The following TLL1 variants were observed in gnomAD, a reference collection of about 807,000 sequenced individuals.
TLL1 encodes the protein tolloid-like protein 1.
Under a neutral mutation model 128.2 loss-of-function variants are expected in TLL1, and 49 were observed. That is an observed-to-expected ratio of 0.38 (90% CI 0.30 to 0.48). TLL1 has a LOEUF of 0.48. Among genes scored for constraint, TLL1 ranks in the 20% least tolerant of loss-of-function variants. The pLI is 0.96. For synonymous variants in TLL1, 454 were observed against 418.8 expected (o/e 1.08, Z -1.03); for missense variants, 1,123 against 1,242.0 (o/e 0.90, Z 1.44).
At chr4:165,917,043 A>G (rs1035193782) in intron 1 of TLL1, among the ~76,000 whole-genome samples, 3 of 152,048 alleles carry the variant, frequency 2.0e-5, no homozygotes, top group Non-Finnish European at 4.4e-5. Context: ...GTGAATTTCT[A>G]TATTATGTAG....
rs1397212476 is a variant in TLL1 at position 166,043,392 on chromosome 4, C to T, written c.1497C>T (p.His499=). Residue 499 remains histidine, a synonymous_variant, in exon 12 of 21, where the codon CAC becomes CAT. Transcript: ENST00000061240. ...AAATAACAGTGTCTGAGAGCTACCA[C>T]GTCGGGCTGACCTTTCAGTCCTTTG... ...VWKITVSESY[H]VGLTFQSFEI... 2 of 1,614,124 alleles carry T rather than the reference C, an allele frequency of 1.2e-6. No individual in the cohort carries two copies. Among genetic ancestry groups the T allele is most frequent in the Non-Finnish European group, 1.7e-6 (2 of 1,179,982 alleles).
intron 9 of TLL1, among the ~76,000 whole-genome samples, chr4:166,031,363 CTTTTTT>C (rs35799879): frequency 1.3e-4 from 13 of 102,280 alleles, no homozygotes; most frequent in East Asian, 5.8e-4. Context: ...ATTGCAAGGT[CTTTTTT>C]TTTTTTTTTT....
At chr4:166,052,965 G>GTATATATA (rs61229255) in intron 12 of TLL1, among the ~76,000 whole-genome samples, 3 of 99,648 alleles carry the variant, frequency 3.0e-5, no homozygotes, top group African/African-American at 1.1e-4. Flanking sequence ...GAGGTTATGT[G>GTATATATA]TATATATATA....
At chr4:166,036,937 T>G (rs982984900) in intron 9 of TLL1, among the ~76,000 whole-genome samples, 1 of 152,120 alleles carries the variant, frequency 6.6e-6, no homozygotes, top group Non-Finnish European at 1.5e-5. Flanking sequence ...TTTTTTTTCC[T>G]CATGAAGAAG....
chr4:165,937,936 T>C (rs1248453589), intron 1 of TLL1, among the ~76,000 whole-genome samples: 1 of 148,804 alleles, frequency 6.7e-6, no homozygotes, highest in Non-Finnish European at 1.5e-5. Context: ...TTTATCTAGA[T>C]ACCCATAGGA....
intron 9 of TLL1, among the ~76,000 whole-genome samples, chr4:166,034,675 G>A (rs1267557744): frequency 1.3e-5 from 2 of 152,058 alleles, no homozygotes; most frequent in Admixed American, 6.6e-5. Flanking sequence ...AGTATTTTTA[G>A]GGATATTATA....
rs1732389308 is a variant in TLL1, at chr4:165,908,732, AGG to A, written c.169+34662_169+34663del. Among the ~76,000 whole-genome samples, 3 of 152,076 alleles carry A rather than the reference AGG, an allele frequency of 2.0e-5. No homozygotes were observed. In the South Asian group the frequency reaches 6.2e-4, roughly 31 times the overall value. ...GGCTGAGAAAATACCTGTGATGGGAAGGGGTAGGTCAAGCACAGAGGCAGGAG... is the reference window on the plus strand; with the variant it reads ...GGCTGAGAAAATACCTGTGATGGGAAGGTAGGTCAAGCACAGAGGCAGGAG... On this transcript the variant is annotated intron_variant, in intron 1 of 20. Transcript: ENST00000061240.
intron 8 of TLL1, among the ~76,000 whole-genome samples, chr4:166,021,432 CTTT>C (rs113942126): frequency 0.012 from 1,481 of 120,396 alleles, 18 homozygotes; most frequent in African/African-American, 0.045. Context: ...TTATTTTTGC[CTTT>C]TTTTTTTTTT....
Position 166,014,566 on chromosome 4 carries a change from G to T in TLL1, c.1042+6G>T. 6.2e-7 allele frequency: 1 copy of T among 1,611,182 alleles called. No homozygotes were observed. ...AAAGCTGTATAGATGTCCAGGTATT[G>T]CACTACACAAACACAAGAGCATGAC... is the stretch of plus-strand genomic sequence containing the variant. On this transcript the variant is annotated splice_donor_region_variant and intron_variant, in intron 8 of 20. Transcript: ENST00000061240.
chr4:166,058,374 C>T (rs1305086306), intron 14 of TLL1, among the ~76,000 whole-genome samples: 2 of 152,094 alleles, frequency 1.3e-5, no homozygotes, highest in Admixed American at 6.6e-5. Context: ...TTAGAATCAT[C>T]TTTGTATCTC....
At chr4:166,056,102 G>A (rs1453903686) in intron 13 of TLL1, among the ~76,000 whole-genome samples, 1 of 152,026 alleles carries the variant, frequency 6.6e-6, no homozygotes, top group Non-Finnish European at 1.5e-5. Flanking sequence ...TTCATCATAT[G>A]AAATGAAAGA....
chr4:166,091,066 A>T, intron 18 of TLL1, 62 bp from the exon 19 acceptor site: 3 of 1,446,740 alleles, frequency 2.1e-6, no homozygotes, highest in Non-Finnish European at 2.8e-6. Flanking sequence ...CTGTCCCAAA[A>T]ATTATCTCAT....
At chr4:166,054,252 A>G (rs1166241520) in intron 12 of TLL1, among the ~76,000 whole-genome samples, 1 of 152,184 alleles carries the variant, frequency 6.6e-6, no homozygotes, top group Non-Finnish European at 1.5e-5. Flanking sequence ...CAGGTTAATT[A>G]TGGAGAAAGA....
intron 1 of TLL1, among the ~76,000 whole-genome samples, chr4:165,984,588 T>A (rs1736315102): frequency 6.6e-6 from 1 of 151,854 alleles, no homozygotes; most frequent in African/African-American, 2.4e-5. Flanking sequence ...AAATCCAATA[T>A]CAATAAAAGC....
intron 1 of TLL1, among the ~76,000 whole-genome samples, chr4:165,878,545 G>A (rs1730823456): frequency 6.6e-6 from 1 of 152,114 alleles, no homozygotes; most frequent in Non-Finnish European, 1.5e-5. Flanking sequence ...CACAATGGCA[G>A]TTACTGTTGT....
chr4:165,957,471 A>AT (rs35706378), intron 1 of TLL1, among the ~76,000 whole-genome samples: 91 of 150,342 alleles, frequency 6.1e-4, no homozygotes, highest in East Asian at 5.2e-3. Context: ...GAAATTCTGG[A>AT]TTTTTTTTTT....
At chr4:165,953,960 T>G (rs968668616) in intron 1 of TLL1, among the ~76,000 whole-genome samples, 1 of 152,170 alleles carries the variant, frequency 6.6e-6, no homozygotes, top group African/African-American at 2.4e-5. Flanking sequence ...TTTCAAACAT[T>G]GGTGCTCACC....
intron 9 of TLL1, among the ~76,000 whole-genome samples, chr4:166,029,117 CT>C (rs200582174): frequency 6.6e-6 from 1 of 151,714 alleles, no homozygotes; most frequent in South Asian, 2.1e-4. Context: ...TAATACATCC[CT>C]TTTTTTGTTC....
Position 166,029,511 on chromosome 4 carries a change from G to A in TLL1, c.1158+4080G>A, listed in dbSNP as rs75469152. The stretch of plus-strand genomic sequence containing the variant: ...GTAAAATAAACTATAATATTATTGT[G>A]GTAAAAACTACATAGCATAAAATTT... On this transcript the variant is annotated intron_variant, in intron 9 of 20. Transcript: ENST00000061240. 2.4e-4 allele frequency among the ~76,000 whole-genome samples: 37 copies of A among 151,716 alleles called. 1 individual carries two copies. In the East Asian group the frequency reaches 7.0e-3, roughly 29 times the overall value.
Sources: gnomAD v4.1 joint callset for allele counts (sites outside exome capture counted in the v4.1 genomes callset) on GRCh38, gnomAD v4.1.1 for gene constraint, MANE v1.5 for transcripts, NCBI Gene and HGNC (gene_info 2026-07-23, HGNC 2026-07-21) for gene names.